Variants in TANC2 observed in about 807,000 individuals in gnomAD.
TANC2 encodes protein TANC2.
In TANC2, 26 loss-of-function variants were observed where a neutral mutation model predicts 210.5. The ratio of observed to expected loss-of-function variants is 0.12; its 90% CI spans 0.09 to 0.17. The LOEUF is 0.17. Ranked by LOEUF, TANC2 falls within the 10% of genes least tolerant of loss-of-function variation. The pLI is 1.00. For synonymous variants in TANC2, 931 were observed against 967.1 expected (o/e 0.96, Z 0.69); for missense variants, 2,129 against 2,608.9 (o/e 0.82, Z 4.01).
intron 14 of TANC2, among the ~76,000 whole-genome samples, chr17:63,358,649 C>T (rs1482083074): frequency 6.6e-6 from 1 of 152,042 alleles, no homozygotes; most frequent in Admixed American, 6.6e-5. Context: ...ATTTAATAAG[C>T]GAATTCCTGC....
chr17:63,150,082 C>T (rs1485266005), intron 4 of TANC2: 1 of 152,074 alleles, frequency 6.6e-6, no homozygotes, highest in Non-Finnish European at 1.5e-5. Flanking sequence ...ATTGTGATAA[C>T]AGAGTTGTAT....
chr17:63,002,914 TAAATCTGTTA>T, intron 1 of TANC2, among the ~76,000 whole-genome samples: 1 of 152,330 alleles, frequency 6.6e-6, no homozygotes, highest in East Asian at 1.9e-4. Flanking sequence ...TAGGGTATTA[TAAATCTGTTA>T]TGAAAATTGT....
At chr17:63,071,327 A>G (rs1207441160) in intron 2 of TANC2, among the ~76,000 whole-genome samples, 1 of 151,970 alleles carries the variant, frequency 6.6e-6, no homozygotes, top group East Asian at 1.9e-4. Flanking sequence ...TCCCCTTGTC[A>G]CCTAATTGGA....
chr17:63,194,506 C>G (rs1366357353), intron 6 of TANC2, among the ~76,000 whole-genome samples: 1 of 152,140 alleles, frequency 6.6e-6, no homozygotes, highest in Non-Finnish European at 1.5e-5. Context: ...TCCAAAGATT[C>G]CAGTTACTGT....
At chr17:63,056,150 G>C (rs903866817) in intron 2 of TANC2, among the ~76,000 whole-genome samples, 1 of 141,588 alleles carries the variant, frequency 7.1e-6, no homozygotes, top group Admixed American at 7.2e-5. Context: ...ACTCCAGCCT[G>C]AGTGACAGAG....
chr17:63,343,753 A>C (rs1226211003), intron 12 of TANC2, among the ~76,000 whole-genome samples: 1 of 152,034 alleles, frequency 6.6e-6, no homozygotes. Context: ...CAACACCAGC[A>C]GGCATGGTGG....
At chr17:63,413,564 C>A in exon 25 of TANC2, 1 of 1,598,878 alleles carries the variant, frequency 6.3e-7, no homozygotes, top group Non-Finnish European at 8.5e-7. Context: ...TGGGCGATGG[C>A]CACCTCCAAG....
intron 4 of TANC2, among the ~76,000 whole-genome samples, chr17:63,126,881 T>TGCC: frequency 6.6e-6 from 1 of 152,264 alleles, no homozygotes; most frequent in Non-Finnish European, 1.5e-5. Context: ...TCTAACAGTA[T>TGCC]TATAGTGCCT....
chr17:63,083,891 G>A (rs774101752), intron 3 of TANC2, among the ~76,000 whole-genome samples: 1 of 152,072 alleles, frequency 6.6e-6, no homozygotes, highest in Non-Finnish European at 1.5e-5. Flanking sequence ...GATTTGATTT[G>A]TAAATATTTT....
rs555357795 is a variant in TANC2 at position 63,254,607 on chromosome 17, G to C, written c.1034-13141G>C. Among the ~76,000 whole-genome samples the C allele has an allele frequency of 1.1e-4, 16 of 152,262 alleles. No homozygotes were observed. The South Asian group carries it at 3.3e-3, about 32-fold the overall frequency. On this transcript the variant is annotated intron_variant, in intron 8 of 27. Transcript: ENST00000689528. ...CCCCATTCAGTATGATACTAGCTAT[G>C]AGTCTGTCGTATATGTCTTTTATTG...
At chr17:63,265,156 T>C (rs763832322) in intron 8 of TANC2, among the ~76,000 whole-genome samples, 1 of 152,218 alleles carries the variant, frequency 6.6e-6, no homozygotes, top group Non-Finnish European at 1.5e-5. Context: ...TGAGTATTCC[T>C]AATCTGAAAT....
intron 14 of TANC2, among the ~76,000 whole-genome samples, chr17:63,359,417 C>G (rs771443818): frequency 1.3e-5 from 2 of 151,194 alleles, no homozygotes; most frequent in Non-Finnish European, 2.9e-5. Flanking sequence ...GATTTCACAT[C>G]ACTGCAACCT....
chr17:63,316,909 G>A (rs2146606248), intron 10 of TANC2, among the ~76,000 whole-genome samples: 1 of 151,950 alleles, frequency 6.6e-6, no homozygotes, highest in Admixed American at 6.6e-5. Flanking sequence ...AATGATGTCT[G>A]TATATGGAGG....
At chr17:63,068,248 A>G (rs2036272532) in intron 2 of TANC2, among the ~76,000 whole-genome samples, 1 of 152,196 alleles carries the variant, frequency 6.6e-6, no homozygotes, top group South Asian at 2.1e-4. Flanking sequence ...GGGAAAGGCA[A>G]ATTAAACAAG....
intron 5 of TANC2, among the ~76,000 whole-genome samples, chr17:63,173,167 A>T (rs2040465396): frequency 6.6e-6 from 1 of 152,214 alleles, no homozygotes; most frequent in African/African-American, 2.4e-5. Context: ...CTGTTAGCAA[A>T]ATATAACACA....
intron 7 of TANC2, among the ~76,000 whole-genome samples, chr17:63,215,889 A>G (rs1189282335): frequency 6.6e-6 from 1 of 152,006 alleles, no homozygotes; most frequent in African/African-American, 2.4e-5. Context: ...AGCTGGGACT[A>G]CAGGCGTCCG....
At chr17:62,984,446 GTC>G (rs2032467048) in intron 1 of TANC2, among the ~76,000 whole-genome samples, 1 of 149,854 alleles carries the variant, frequency 6.7e-6, no homozygotes, top group Admixed American at 6.6e-5. Flanking sequence ...TATTTTTTTT[GTC>G]TCTCAACTTC....
In TANC2 at chr17:63,073,916, G is replaced by T. The variant is rs1452721259; in HGVS notation, c.68-27G>T. 11 of 1,552,806 alleles carry T rather than the reference G, an allele frequency of 7.1e-6. No homozygotes were observed. In the South Asian group the frequency reaches 1.3e-4, roughly 18 times the overall value. ...GTTATGTCAATCTCATTATCTATTT[G>T]CTTATGCTCCTTTTAATTTTATGCA... On this transcript the variant is annotated intron_variant, in intron 2 of 27. Coordinates refer to ENST00000689528, the Ensembl canonical transcript of TANC2.
intron 14 of TANC2, among the ~76,000 whole-genome samples, chr17:63,364,194 G>T (rs944175830): frequency 6.6e-6 from 1 of 152,142 alleles, no homozygotes. Context: ...TATATATTTT[G>T]AAATATGTTC....
Sources: allele counts gnomAD v4.1 joint callset (sites outside exome capture counted in the v4.1 genomes callset), GRCh38; gene constraint gnomAD v4.1.1; transcripts MANE v1.5; gene names NCBI Gene and HGNC (gene_info 2026-07-23, HGNC 2026-07-21).